The following KCND2 variants were observed in gnomAD, a reference collection of about 807,000 sequenced individuals.
KCND2 encodes the protein potassium voltage-gated channel subfamily D member 2.
In KCND2, 16 loss-of-function variants were observed where a neutral mutation model predicts 54.4. That is an observed-to-expected ratio of 0.29 (90% CI 0.20 to 0.45). The LOEUF is 0.45. Ranked by LOEUF, KCND2 falls within the 20% of genes least tolerant of loss-of-function variation. KCND2 has a pLI of 1.00. For missense variants in KCND2, 486 were observed against 824.2 expected, an observed-to-expected ratio of 0.59 and a Z score of 5.02; for synonymous variants, 317 against 310.7, an observed-to-expected ratio of 1.02 and a Z score of -0.21.
chr7:120,504,473 C>A (rs1279124582), intron 1 of KCND2, among the ~76,000 whole-genome samples: 1 of 151,470 alleles, frequency 6.6e-6, no homozygotes, highest in African/African-American at 2.4e-5. Flanking sequence ...TTGTAAATAC[C>A]TAAATTTACA....
chr7:120,701,005 G>T (rs74853889), intron 1 of KCND2, among the ~76,000 whole-genome samples: 3,760 of 152,136 alleles, frequency 0.025, 50 homozygotes, highest in African/African-American at 0.046. Flanking sequence ...CTACCCTCAG[G>T]GTGTGGCACT....
chr7:120,536,080 C>T (rs1033571846), intron 1 of KCND2, among the ~76,000 whole-genome samples: 2 of 152,082 alleles, frequency 1.3e-5, no homozygotes, highest in African/African-American at 2.4e-5. Flanking sequence ...GATACTGTGT[C>T]GTTCAGTTCC....
intron 1 of KCND2, among the ~76,000 whole-genome samples, chr7:120,581,271 G>C: frequency 6.6e-6 from 1 of 152,160 alleles, no homozygotes; most frequent in Non-Finnish European, 1.5e-5. Flanking sequence ...AGCAAGTTTA[G>C]TTTGTTTCTC....
intron 1 of KCND2, among the ~76,000 whole-genome samples, chr7:120,509,562 T>G (rs541572761): frequency 6.6e-6 from 1 of 152,246 alleles, no homozygotes; most frequent in African/African-American, 2.4e-5. Context: ...TTCTTACTTC[T>G]TTTGGCAACA....
At chr7:120,354,256 C>T (rs1158014624) in intron 1 of KCND2, among the ~76,000 whole-genome samples, 1 of 152,096 alleles carries the variant, frequency 6.6e-6, no homozygotes, top group Non-Finnish European at 1.5e-5. Flanking sequence ...GGTTTTGCAA[C>T]TTTCCAATAT....
chr7:120,517,959 C>A (rs572187901), intron 1 of KCND2, among the ~76,000 whole-genome samples: 2 of 152,222 alleles, frequency 1.3e-5, no homozygotes, highest in East Asian at 3.9e-4. Context: ...GCATTCCCTA[C>A]AGTTACCCTT....
At chr7:120,669,012 A>G (rs1421259759) in intron 1 of KCND2, among the ~76,000 whole-genome samples, 1 of 152,082 alleles carries the variant, frequency 6.6e-6, no homozygotes, top group Non-Finnish European at 1.5e-5. Flanking sequence ...TCATACTTTC[A>G]GTGTATAAAT....
chr7:120,388,321 A>G (rs569755146), intron 1 of KCND2, among the ~76,000 whole-genome samples: 1 of 152,228 alleles, frequency 6.6e-6, no homozygotes, highest in South Asian at 2.1e-4. Flanking sequence ...TATGCAAATG[A>G]AAGTTTAGTA....
chr7:120,384,911 TG>T (rs1375247176), intron 1 of KCND2, among the ~76,000 whole-genome samples: 1 of 152,038 alleles, frequency 6.6e-6, no homozygotes, highest in African/African-American at 2.4e-5. Context: ...GAAGACGAGT[TG>T]TATTTTATAG....
At chr7:120,719,229 A>G (rs1178319841) in intron 1 of KCND2, among the ~76,000 whole-genome samples, 4 of 152,176 alleles carry the variant, frequency 2.6e-5, no homozygotes, top group African/African-American at 9.6e-5. Context: ...TTTTATTTGT[A>G]TTTATAAAAC....
At chr7:120,658,548 T>C (rs988520467) in intron 1 of KCND2, among the ~76,000 whole-genome samples, 1 of 152,206 alleles carries the variant, frequency 6.6e-6, no homozygotes, top group Admixed American at 6.5e-5. Flanking sequence ...AGACCAGTTT[T>C]CTGAGCTTTA....
At chr7:120,299,536 T>G (rs971738414) in intron 1 of KCND2, among the ~76,000 whole-genome samples, 1 of 152,180 alleles carries the variant, frequency 6.6e-6, no homozygotes, top group East Asian at 1.9e-4. Context: ...AACCTAAAAC[T>G]AAAAATTATT....
intron 1 of KCND2, among the ~76,000 whole-genome samples, chr7:120,418,115 A>G (rs927561730): frequency 1.1e-4 from 16 of 152,216 alleles, no homozygotes; most frequent in Non-Finnish European, 2.1e-4. Context: ...TCTGGTTTCT[A>G]CCTCAGTTGT....
intron 1 of KCND2, among the ~76,000 whole-genome samples, chr7:120,595,591 G>GTGTATATATA (rs370024431): frequency 9.9e-5 from 13 of 131,898 alleles, no homozygotes; most frequent in South Asian, 2.4e-4. Flanking sequence ...GTGTGTGTGT[G>GTGTATATATA]TATATATATA....
At chr7:120,374,417 C>T (rs146883156) in intron 1 of KCND2, among the ~76,000 whole-genome samples, 502 of 151,700 alleles carry the variant, frequency 3.3e-3, no homozygotes, top group South Asian at 5.2e-3. Context: ...CTCCCCCAAC[C>T]CCCGAAAAAG....
intron 1 of KCND2, among the ~76,000 whole-genome samples, chr7:120,554,293 G>A (rs1243801542): frequency 1.3e-5 from 2 of 152,164 alleles, no homozygotes; most frequent in African/African-American, 2.4e-5. Flanking sequence ...TTAGAGCAGC[G>A]GTTCTCAAAC....
chr7:120,412,620 C>T (rs1453868495), intron 1 of KCND2, among the ~76,000 whole-genome samples: 2 of 151,976 alleles, frequency 1.3e-5, no homozygotes, highest in African/African-American at 4.8e-5. Flanking sequence ...TGACTTTCCT[C>T]TCACCCTGAG....
At chr7:120,440,549 A>T (rs1029152961) in intron 1 of KCND2, among the ~76,000 whole-genome samples, 4 of 152,160 alleles carry the variant, frequency 2.6e-5, no homozygotes, top group African/African-American at 7.2e-5. Flanking sequence ...GGTCTTATCC[A>T]AAGAATCTTT....
intron 1 of KCND2, among the ~76,000 whole-genome samples, chr7:120,562,152 TA>T (rs931087064): frequency 6.6e-6 from 1 of 152,118 alleles, no homozygotes; most frequent in Non-Finnish European, 1.5e-5. Context: ...AGGTAGCAGT[TA>T]AAAATATGAA....
Sources: gnomAD v4.1 joint callset for allele counts (sites outside exome capture counted in the v4.1 genomes callset) on GRCh38, gnomAD v4.1.1 for gene constraint, MANE v1.5 for transcripts, NCBI Gene and HGNC (gene_info 2026-07-23, HGNC 2026-07-21) for gene names.